ANKRD11: variants seen among roughly 807,000 people sequenced by gnomAD.
ANKRD11 encodes the protein ankyrin repeat domain-containing protein 11.
In ANKRD11, 17 loss-of-function variants were observed where a neutral mutation model predicts 195.7. The observed-to-expected ratio is 0.09, with a 90% CI of 0.06 to 0.13. The LOEUF is 0.13. Ranked by LOEUF, ANKRD11 falls within the 10% of genes least tolerant of loss-of-function variation. ANKRD11 has a pLI of 1.00. For synonymous variants in ANKRD11, 1,953 were observed against 1,528.1 expected (o/e 1.28, Z -6.49); for missense variants, 3,735 against 3,566.1 (o/e 1.05, Z -1.21).
chr16:89,451,710 C>G (rs929506843), intron 1 of ANKRD11, among the ~76,000 whole-genome samples: 1 of 152,092 alleles, frequency 6.6e-6, no homozygotes, highest in Non-Finnish European at 1.5e-5. Context: ...AGCCACCGCA[C>G]CTGGCCCATT....
At chr16:89,356,672 T>C (rs1264663573) in intron 2 of ANKRD11, among the ~76,000 whole-genome samples, 2 of 148,314 alleles carry the variant, frequency 1.3e-5, no homozygotes, top group Non-Finnish European at 1.5e-5. Flanking sequence ...TCCCAGCTAC[T>C]TGGGAGGCTG....
rs117736872 is a variant in ANKRD11 at position 89,471,069 on chromosome 16, G to A, written c.-145+19176C>T. The stretch of plus-strand genomic sequence containing the variant: ...ACATCCTCAATTTAAAAGCATGACT[G>A]AGGCTGGGCGCAGTGGCTCACTCCT... On this transcript the variant is annotated intron_variant, in intron 1 of 12. Transcript: ENST00000301030. Among the ~76,000 whole-genome samples the A allele has an allele frequency of 2.0e-5, 3 of 152,124 alleles. No individual in the cohort carries two copies. The East Asian group carries it at 5.8e-4, about 29-fold the overall frequency.
Position 89,291,749 on chromosome 16 carries a change from C to T in ANKRD11, c.227-566G>A. The T allele has an allele frequency of 1.6e-6, 2 of 1,289,860 alleles. No individual in the cohort carries two copies. The allele number at this position is 1,289,860 out of a possible 1,614,324, so 79.9% of individuals were successfully genotyped here. A position where few individuals can be genotyped will look rare whatever the true frequency, so the allele number is the denominator to read the frequency against. ...TTCGAGGAGCGTACCAGCCTTGCAGCACCACAACAGGGACTGGGCTGGAGG... is the reference window on the plus strand; with the variant it reads ...TTCGAGGAGCGTACCAGCCTTGCAGTACCACAACAGGGACTGGGCTGGAGG... On this transcript the variant is annotated intron_variant, in intron 4 of 12. Transcript: ENST00000301030. This position sits in a 1 kb window ranked among gnomAD's most constrained non-coding sequence, Gnocchi z 5.3.
At chr16:89,474,567 T>C (rs1449712141) in intron 1 of ANKRD11, among the ~76,000 whole-genome samples, 3 of 152,118 alleles carry the variant, frequency 2.0e-5, no homozygotes, top group Non-Finnish European at 4.4e-5. Flanking sequence ...AAATAATGAC[T>C]GGTTGCCAGA....
chr16:89,340,164 G>T (rs1182151846), intron 2 of ANKRD11, among the ~76,000 whole-genome samples: 2 of 152,212 alleles, frequency 1.3e-5, no homozygotes, highest in Non-Finnish European at 2.9e-5. Context: ...GGAATTTCTA[G>T]CAAGAAACTG....
In ANKRD11 at chr16:89,281,178, G is replaced by A. The variant is rs958706615; in HGVS notation, c.5364C>T (p.Tyr1788=). 1.9e-6 allele frequency: 3 copies of A among 1,614,084 alleles called. No individual in the cohort carries two copies. The highest frequency in any genetic ancestry group is 2.2e-5 in the East Asian group (1 of 44,882). ...APARPLSTNL[Y]RSVSVDIRRT... ...TCCTAATGTCGACAGAGACCGAGCG[G>A]TAAAGGTTTGTGGAGAGAGGCCTGG... Residue 1788 remains tyrosine (Y), a synonymous_variant, in exon 9 of 13, where the codon TAC becomes TAT. Coordinates refer to ENST00000301030, the MANE Select transcript of ANKRD11 (RefSeq NM_013275.6). The surrounding 1 kb of genome is among the most constrained non-coding windows in gnomAD (Gnocchi z 5.5).
chr16:89,385,306 T>G (rs570799377), intron 2 of ANKRD11, among the ~76,000 whole-genome samples: 96 of 151,966 alleles, frequency 6.3e-4, no homozygotes, highest in Middle Eastern at 3.4e-3. Flanking sequence ...TTTGTGTATT[T>G]TTAGTAGAGA....
In ANKRD11 at chr16:89,313,432, C is replaced by T. The variant is rs1170206349; in HGVS notation, c.87+3501G>A. 1.4e-5 allele frequency: 18 copies of T among 1,289,012 alleles called. 1 individual carries two copies. In the Admixed American group the frequency reaches 2.8e-4, roughly 20 times the overall value. The allele number at this position is 1,289,012 out of a possible 1,614,324, so 79.8% of individuals were successfully genotyped here. A position where few individuals can be genotyped will look rare whatever the true frequency, so the allele number is the denominator to read the frequency against. On this transcript the variant is annotated intron_variant, in intron 3 of 12. Coordinates refer to ENST00000301030, the MANE Select transcript of ANKRD11 (RefSeq NM_013275.6). ...TGAGAGACCGTCTGCAGAAGGGGCCCTTTCTCTGACACGCCTGCCACTGTG... is the reference window on the plus strand; with the variant it reads ...TGAGAGACCGTCTGCAGAAGGGGCCTTTTCTCTGACACGCCTGCCACTGTG...
At chr16:89,478,907 C>G (rs979370536) in intron 1 of ANKRD11, among the ~76,000 whole-genome samples, 1 of 152,214 alleles carries the variant, frequency 6.6e-6, no homozygotes, top group Non-Finnish European at 1.5e-5. Context: ...CTCACTTGGG[C>G]CCTCCAGACC....
Position 89,282,579 on chromosome 16 carries a change from C to A in ANKRD11, c.3963G>T (p.Leu1321=). 6.2e-7 allele frequency: 1 copy of A among 1,614,166 alleles called. No individual in the cohort carries two copies. Residue 1321 remains leucine (L), a synonymous_variant, in exon 9 of 13, where the codon CTG becomes CTT. Coordinates refer to ENST00000301030, the MANE Select transcript of ANKRD11 (RefSeq NM_013275.6). The stretch of plus-strand genomic sequence containing the variant: ...CAGGTGGCTCCGTGAAAGAGACCTC[C>A]AGGAAGGCAGTCAGCCCCGGCTCCT... ...RGQEPGLTAF[L]EVSFTEPPGD...
intron 1 of ANKRD11, chr16:89,443,181 A>AG (rs1168558869): frequency 6.6e-6 from 1 of 152,124 alleles, no homozygotes; most frequent in East Asian, 1.9e-4. Flanking sequence ...CAGTAGAGAC[A>AG]GGGTTTCACC....
intron 2 of ANKRD11, among the ~76,000 whole-genome samples, chr16:89,346,061 G>C (rs181278121): frequency 6.6e-6 from 1 of 151,748 alleles, no homozygotes; most frequent in East Asian, 1.9e-4. Flanking sequence ...GGCCAACATG[G>C]AATGACCCTG....
chr16:89,354,614 G>A (rs2039384864), intron 2 of ANKRD11, among the ~76,000 whole-genome samples: 1 of 152,198 alleles, frequency 6.6e-6, no homozygotes, highest in Non-Finnish European at 1.5e-5. Context: ...GGGCACGGTG[G>A]CTCACTCTTG....
At chr16:89,477,839 G>C (rs979038351) in intron 1 of ANKRD11, among the ~76,000 whole-genome samples, 2 of 151,940 alleles carry the variant, frequency 1.3e-5, no homozygotes, top group African/African-American at 4.8e-5. Flanking sequence ...AGGTGTGGTG[G>C]CAGGCAGGAG....
intron 1 of ANKRD11, among the ~76,000 whole-genome samples, chr16:89,463,001 G>C (rs1343725212): frequency 6.6e-6 from 1 of 150,450 alleles, no homozygotes; most frequent in Non-Finnish European, 1.5e-5. Context: ...GAGGGAGGTG[G>C]GGGGGTCAGC....
chr16:89,297,571 T>G (rs1275749171), intron 4 of ANKRD11: 1 of 152,204 alleles, frequency 6.6e-6, no homozygotes, highest in African/African-American at 2.4e-5. Context: ...AGGCGGATGG[T>G]CCACAACGCC....
intron 2 of ANKRD11, among the ~76,000 whole-genome samples, chr16:89,375,284 T>C (rs2040372369): frequency 6.6e-6 from 1 of 152,176 alleles, no homozygotes; most frequent in Non-Finnish European, 1.5e-5. Flanking sequence ...TGTATCACAG[T>C]AAACAAATTA....
chr16:89,280,391 A>G lies in ANKRD11; in HGVS notation c.6151T>C (p.Ser2051Pro). 14 of 1,562,308 alleles carry G rather than the reference A, an allele frequency of 9.0e-6. No individual in the cohort carries two copies. The highest frequency in any genetic ancestry group is 1.1e-5 in the Non-Finnish European group (13 of 1,154,998). ...VDAVPAAIST[S>P]EAAPYAPPSG... ...GGAGGGGCGTAGGGAGCCGCCTCTG[A>G]GGTGGAGATGGCGGCGGGGACGGCG... Residue 2051 changes from serine to proline, a missense_variant, in exon 9 of 13, where the codon TCA becomes CCA. Transcript: ENST00000301030.
chr16:89,290,580 G>A (rs368786501), intron 6 of ANKRD11, 45 bp downstream of exon 6: 18 of 1,600,786 alleles, frequency 1.1e-5, no homozygotes, highest in South Asian at 3.3e-5. Context: ...GAGGCTCAGG[G>A]CTCCAGTGGG....
Sources: allele counts gnomAD v4.1 joint callset (sites outside exome capture counted in the v4.1 genomes callset), GRCh38; gene constraint gnomAD v4.1.1; non-coding constraint Gnocchi (gnomAD v3.1); transcripts MANE v1.5; gene names NCBI Gene and HGNC (gene_info 2026-07-23, HGNC 2026-07-21).